Variants in CLCN6 observed in about 807,000 individuals in gnomAD.
The protein encoded by CLCN6 is Cl-/H+ antiporter 6.
A neutral mutation model predicts 109.8 loss-of-function variants in CLCN6; 70 were observed. That is an observed-to-expected ratio of 0.64 (90% confidence interval 0.53 to 0.78). The LOEUF is 0.78. Ranked by LOEUF, CLCN6 falls within the 30% of genes least tolerant of loss-of-function variation. CLCN6 has a pLI of 0.00. For missense variants in CLCN6, 984 were observed against 1,142.3 expected, an observed-to-expected ratio of 0.86 and a Z score of 2.00; for synonymous variants, 444 against 447.8, an observed-to-expected ratio of 0.99 and a Z score of 0.11.
chr1:11,809,214 G>C (rs966692468), intron 2 of CLCN6, among the ~76,000 whole-genome samples: 2 of 152,060 alleles, frequency 1.3e-5, no homozygotes, highest in African/African-American at 4.8e-5. Flanking sequence ...GAAGTTTGCA[G>C]GAATTAGTAT....
intron 17 of CLCN6, among the ~76,000 whole-genome samples, chr1:11,835,490 G>T (rs1644932383): frequency 6.6e-6 from 1 of 152,138 alleles, no homozygotes; most frequent in African/African-American, 2.4e-5. Context: ...GCCCAGGCTG[G>T]TTTTGAACTC....
chr1:11,815,944 A>C, intron 3 of CLCN6, 33 bp downstream of exon 3: 1 of 1,532,146 alleles, frequency 6.5e-7, no homozygotes, highest in Non-Finnish European at 9.0e-7. Flanking sequence ...TCTGGGGATC[A>C]AATCAGTCTT....
At position 11,838,559 on chromosome 1, in the gene CLCN6, T is replaced by G. The variant is rs905288607; in HGVS notation, c.2428T>G (p.Ser810Ala). ...GGATGTCACCCCATACATGAACCCT[T>G]CGCCTTTCACCGTCTCGCCCAACAC... ...IVDVTPYMNP[S>A]PFTVSPNTHV... The change falls in exon 22 of 23, where the codon TCG (serine) becomes GCG (alanine). Residue 810 changes from serine to alanine, a missense_variant. Ser to Ala is a moderately conservative substitution (Grantham distance 99). Coordinates refer to ENST00000346436, the MANE Select transcript of CLCN6 (RefSeq NM_001286.5). 1.2e-6 allele frequency: 2 copies of G among 1,611,504 alleles called. No homozygotes were observed. The highest frequency in any genetic ancestry group is 2.7e-5 in the African/African-American group (2 of 74,864).
intron 1 of CLCN6, chr1:11,806,910 G>A (rs1644521518): frequency 3.6e-6 from 2 of 556,216 alleles, no homozygotes; most frequent in Non-Finnish European, 6.4e-6. Context: ...GAGGAGGGTG[G>A]TTATTTGGAG....
At chr1:11,813,307 A>G (rs1025086678) in intron 2 of CLCN6, among the ~76,000 whole-genome samples, 1 of 152,174 alleles carries the variant, frequency 6.6e-6, no homozygotes, top group East Asian at 1.9e-4. Flanking sequence ...ATGTAGGTGC[A>G]TATATGTTTA....
chr1:11,821,928 A>G (rs1244336309), intron 5 of CLCN6, among the ~76,000 whole-genome samples: 5 of 152,250 alleles, frequency 3.3e-5, no homozygotes, highest in Non-Finnish European at 7.3e-5. Flanking sequence ...GTGTGTATCA[A>G]CATGGCTAAT....
At position 11,840,857 on chromosome 1, in the gene CLCN6, A is replaced by G. The variant is rs1203163215; in HGVS notation, c.*634A>G. ...ACTCTCCTTAGAACCACCGCCCACC[A>G]GAAACATAAAGGATTAAAATCACAC... On this transcript the variant is annotated 3_prime_UTR_variant, in exon 23 of 23. Coordinates refer to ENST00000346436, the MANE Select transcript of CLCN6 (RefSeq NM_001286.5). 6.4e-6 allele frequency: 1 copy of G among 155,314 alleles called. No individual in the cohort carries two copies. Among genetic ancestry groups the G allele is most frequent in the African/African-American group, 2.4e-5 (1 of 41,484 alleles). 9.6% of individuals were successfully genotyped at this position (155,314 alleles called of 1,614,324 possible).
At chr1:11,806,414 CG>C in intron 1 of CLCN6, 65 bp downstream of exon 1, 1 of 1,324,838 alleles carries the variant, frequency 7.5e-7, no homozygotes, top group Non-Finnish European at 9.8e-7. Context: ...GAGGCGTTGC[CG>C]GGGGTGGGGC....
chr1:11,812,645 A>AAG (rs201340576), intron 2 of CLCN6, among the ~76,000 whole-genome samples: 14,429 of 148,780 alleles, frequency 0.097, 806 homozygotes, highest in South Asian at 0.16. Context: ...GCTCAAAAAA[A>AAG]AAAAAAGACA....
intron 10 of CLCN6, 100 bp downstream of exon 10, chr1:11,827,321 G>T (rs1431761743): frequency 2.3e-6 from 3 of 1,284,096 alleles, no homozygotes; most frequent in Non-Finnish European, 3.2e-6. Context: ...GAGACTGGGG[G>T]GTCAACTGGA....
intron 1 of CLCN6, chr1:11,806,574 C>T (rs984319662): frequency 1.7e-5 from 8 of 464,790 alleles, no homozygotes; most frequent in African/African-American, 1.6e-4. Flanking sequence ...CAGGCCAGCT[C>T]CAGTAAATCC....
intron 8 of CLCN6, among the ~76,000 whole-genome samples, 196 bp from the exon 9 acceptor site, chr1:11,825,960 A>T (rs1298556334): frequency 6.6e-6 from 1 of 151,870 alleles, no homozygotes; most frequent in Non-Finnish European, 1.5e-5. Context: ...GCTGTTCTGG[A>T]CTTTCCTTCC....
At position 11,840,278 on chromosome 1, in the gene CLCN6, C is replaced by G; in HGVS notation, c.*55C>G. 1 of 1,465,014 alleles carries G rather than the reference C, an allele frequency of 6.8e-7. No homozygotes were observed. Among genetic ancestry groups the G allele is most frequent in the Non-Finnish European group, 9.5e-7 (1 of 1,052,198 alleles). 90.8% of individuals were successfully genotyped at this position (1,465,014 alleles called of 1,614,324 possible). ...CTGGGGAGGCAAATCATGCTCACTC[C>G]GGCGGGCACAGCTGGCTGGGGCTGT... On this transcript the variant is annotated 3_prime_UTR_variant, in exon 23 of 23. Coordinates refer to ENST00000346436, the MANE Select transcript of CLCN6 (RefSeq NM_001286.5).
intron 2 of CLCN6, among the ~76,000 whole-genome samples, chr1:11,811,526 G>A (rs549035953): frequency 6.6e-6 from 1 of 152,168 alleles, no homozygotes; most frequent in Non-Finnish European, 1.5e-5. Context: ...GGGATTACAG[G>A]CGTCTGCCAC....
intron 5 of CLCN6, among the ~76,000 whole-genome samples, chr1:11,821,019 T>C (rs535177020): frequency 6.7e-6 from 1 of 149,192 alleles, no homozygotes; most frequent in Admixed American, 6.8e-5. Flanking sequence ...GAGGCTGCAG[T>C]GAGCCGAGAT....
At chr1:11,808,952 C>T (rs569674729) in intron 2 of CLCN6, among the ~76,000 whole-genome samples, 6 of 151,882 alleles carry the variant, frequency 4.0e-5, no homozygotes, top group Admixed American at 1.3e-4. Context: ...TCCACCCCAC[C>T]CTAGGTTCAA....
At chr1:11,824,626 A>G in intron 8 of CLCN6, 73 bp downstream of exon 8, 1 of 1,223,314 alleles carries the variant, frequency 8.2e-7, no homozygotes, top group South Asian at 1.4e-5. Context: ...GGCCAAATCC[A>G]TTGGGACACC....
chr1:11,809,330 C>A (rs1472016497), intron 2 of CLCN6, among the ~76,000 whole-genome samples: 1 of 152,010 alleles, frequency 6.6e-6, no homozygotes, highest in African/African-American at 2.4e-5. Flanking sequence ...CTTCATCCTA[C>A]TTCTAGGAGC....
chr1:11,822,785 T>G lies in CLCN6; in HGVS notation c.437T>G (p.Leu146Arg). The G allele has an allele frequency of 6.2e-7, 1 of 1,613,264 alleles. No homozygotes were observed. The highest frequency in any genetic ancestry group is 8.5e-7 in the Non-Finnish European group (1 of 1,179,210). Residue 146 changes from leucine (L) to arginine (R), a missense_variant, in exon 6 of 23, where the codon CTC (leucine) becomes CGC (arginine). Leu to Arg is a moderately radical substitution (Grantham distance 102). Transcript: ENST00000346436. Reference sequence around the variant, plus strand: ...CTCACCTTTGTCTTCCTGGCAAGCCTCCTTGTTCTCATTGAGGTGAGGTGG... The same window carrying G: ...CTCACCTTTGTCTTCCTGGCAAGCCGCCTTGTTCTCATTGAGGTGAGGTGG... ...FNLTFVFLAS[L>R]LVLIEPVAAG...
Sources: gnomAD v4.1 joint callset for allele counts (sites outside exome capture counted in the v4.1 genomes callset) on GRCh38, gnomAD v4.1.1 for gene constraint, MANE v1.5 for transcripts, NCBI Gene and HGNC (gene_info 2026-07-23, HGNC 2026-07-21) for gene names.